UGT2A2: variants seen among roughly 807,000 people sequenced by gnomAD.
UGT2A2 encodes UDP-glucuronosyltransferase 2A2.
UGT2A2 carries 60 observed loss-of-function variants against 50.7 expected under a neutral mutation model. The ratio of observed to expected loss-of-function variants is 1.18; its 90% confidence interval spans 0.96 to 1.47. The LOEUF (loss-of-function observed/expected upper bound fraction) is 1.47, where lower values mean the gene tolerates loss of function less well. UGT2A2 is among the 40% of genes most tolerant of loss of function. UGT2A2 has a pLI of 0.00. For missense variants in UGT2A2, 762 were observed against 634.0 expected (o/e 1.20, Z -2.17); for synonymous variants, 242 against 214.6 (o/e 1.13, Z -1.11).
At chr4:69,631,957 T>G (rs1049888964) in intron 1 of UGT2A2, among the ~76,000 whole-genome samples, 3 of 152,186 alleles carry the variant, frequency 2.0e-5, no homozygotes, top group Non-Finnish European at 4.4e-5. Flanking sequence ...AATAATATCA[T>G]TAAAATGACA....
rs777620641 is a variant in UGT2A2 at position 69,594,626 on chromosome 4, T to C, written c.1182A>G (p.Gly394=). Residue 394 remains glycine, a synonymous_variant, in exon 5 of 6, where the codon GGA becomes GGG. Transcript: ENST00000604629. ...TNGIYEAIYH[G]VPMVGVPMFA... ...ACATGGGAACTCCCACCATAGGGAC[T>C]CCGTGGTAAATAGCTTCGTAGATCC... 6.2e-7 allele frequency: 1 copy of C among 1,614,124 alleles called. No homozygotes were observed. The highest frequency in any genetic ancestry group is 2.2e-5 in the East Asian group (1 of 44,870).
At chr4:69,590,963 A>AG (rs1718564050) in intron 5 of UGT2A2, among the ~76,000 whole-genome samples, 1 of 152,200 alleles carries the variant, frequency 6.6e-6, no homozygotes, top group Non-Finnish European at 1.5e-5. Flanking sequence ...AACAGAATGG[A>AG]GTACAAACAC....
chr4:69,600,482 G>A (rs1429322747), intron 1 of UGT2A2, among the ~76,000 whole-genome samples: 2 of 152,174 alleles, frequency 1.3e-5, no homozygotes, highest in Non-Finnish European at 2.9e-5. Context: ...GAATGAGTAG[G>A]AAGTGTGCTA....
At chr4:69,629,962 AT>A (rs1721295075) in intron 1 of UGT2A2, among the ~76,000 whole-genome samples, 1 of 152,134 alleles carries the variant, frequency 6.6e-6, no homozygotes, top group African/African-American at 2.4e-5. Context: ...TTTGTAAAAT[AT>A]TTTTTCCTTA....
chr4:69,599,051 C>A (rs931163749), intron 2 of UGT2A2, among the ~76,000 whole-genome samples, 195 bp downstream of exon 2: 1 of 152,086 alleles, frequency 6.6e-6, no homozygotes, highest in Non-Finnish European at 1.5e-5. Context: ...TTTTATTCTT[C>A]AGTTTAAATT....
rs183309709 is a variant in UGT2A2, at chr4:69,599,523, T to C, written c.743-129A>G. 4.9e-5 allele frequency: 65 copies of C among 1,317,126 alleles called. No homozygotes were observed. In the East Asian group the frequency reaches 1.4e-3, roughly 28 times the overall value. The allele number at this position is 1,317,126 out of a possible 1,614,324, so 81.6% of individuals were successfully genotyped here. The stretch of plus-strand genomic sequence containing the variant: ...TGAATTAGGTCTTCTAGAATACTTA[T>C]CATGTTTATATATTAAGAAGAAGGA... On this transcript the variant is annotated intron_variant, in intron 1 of 5. Transcript: ENST00000604629.
At chr4:69,607,364 A>G (rs1719699536) in intron 1 of UGT2A2, among the ~76,000 whole-genome samples, 1 of 151,546 alleles carries the variant, frequency 6.6e-6, no homozygotes, top group Non-Finnish European at 1.5e-5. Flanking sequence ...CTGGCTAGCC[A>G]TATGTAGAAA....
At chr4:69,596,839 G>C (rs956691144) in intron 2 of UGT2A2, among the ~76,000 whole-genome samples, 1 of 152,136 alleles carries the variant, frequency 6.6e-6, no homozygotes, top group Non-Finnish European at 1.5e-5. Context: ...GTCTCCTTAA[G>C]AGGAAACACG....
chr4:69,612,902 C>A (rs1720149985), intron 1 of UGT2A2, among the ~76,000 whole-genome samples: 1 of 82,006 alleles, frequency 1.2e-5, no homozygotes, highest in Non-Finnish European at 2.5e-5. Flanking sequence ...TAAAGAACCT[C>A]TGCAGAAAAA....
chr4:69,594,665 A>G lies in UGT2A2; in HGVS notation c.1143T>C (p.His381=), dbSNP rs765122717. The G allele has an allele frequency of 3.7e-6, 6 of 1,613,926 alleles. No individual in the cohort carries two copies. In the Admixed American group the frequency reaches 1.0e-4, roughly 27 times the overall value. The change falls in exon 5 of 6, where the codon CAT becomes CAC. Residue 381 remains histidine, a synonymous_variant. Transcript: ENST00000604629. ...CTTCGTAGATCCCATTAGTTCCACC[A>G]TGAGTGATAAAAGCTTTGGTTTTGG... is the stretch of plus-strand genomic sequence containing the variant. ...GHPKTKAFIT[H]GGTNGIYEAI...
At chr4:69,594,105 G>C (rs1430139603) in intron 5 of UGT2A2, among the ~76,000 whole-genome samples, 1 of 151,686 alleles carries the variant, frequency 6.6e-6, no homozygotes, top group Non-Finnish European at 1.5e-5. Flanking sequence ...CTCCTGAGTA[G>C]CTGGGACTAC....
chr4:69,609,066 T>C (rs1398298778), intron 1 of UGT2A2, among the ~76,000 whole-genome samples: 1 of 151,996 alleles, frequency 6.6e-6, no homozygotes, highest in African/African-American at 2.4e-5. Flanking sequence ...CATTATCTGA[T>C]ATTAAAAGAT....
At chr4:69,636,949 C>A (rs556608571) in intron 1 of UGT2A2, among the ~76,000 whole-genome samples, 4 of 152,054 alleles carry the variant, frequency 2.6e-5, no homozygotes, top group Admixed American at 1.3e-4. Context: ...TTTTCAGGAC[C>A]CTTCACCTTG....
intron 1 of UGT2A2, among the ~76,000 whole-genome samples, chr4:69,617,577 CTG>C (rs1263682425): frequency 6.6e-6 from 1 of 151,872 alleles, no homozygotes; most frequent in East Asian, 1.9e-4. Context: ...GGAAGAAAGA[CTG>C]TTTCAAATTA....
At chr4:69,607,607 G>A (rs1470105310) in intron 1 of UGT2A2, among the ~76,000 whole-genome samples, 1 of 152,126 alleles carries the variant, frequency 6.6e-6, no homozygotes, top group East Asian at 1.9e-4. Context: ...CACAGGAAAA[G>A]AAACTACCAT....
rs267600226 is a variant in UGT2A2, at chr4:69,638,902, A to T, written c.739T>A (p.Leu247Ile). Residue 247 changes from leucine (L) to isoleucine (I), a missense_variant, in exon 1 of 6, where the codon TTA becomes ATA. Transcript: ENST00000604629. ...AAAGAGAAAATTTTAGACTTACCTA[A>T]AATTTTGCTATAGTATGAATTCCAT... Reference protein sequence around the residue: ...GEWNSYYSKILGRPTTLCETM... With the variant: ...GEWNSYYSKIIGRPTTLCETM... 5 of 1,575,670 alleles carry T rather than the reference A, an allele frequency of 3.2e-6. No homozygotes were observed. Among genetic ancestry groups the T allele is most frequent in the Non-Finnish European group, 4.3e-6 (5 of 1,161,576 alleles).
At chr4:69,615,389 A>G (rs1577971637) in intron 1 of UGT2A2, among the ~76,000 whole-genome samples, 1 of 151,992 alleles carries the variant, frequency 6.6e-6, no homozygotes, top group Non-Finnish European at 1.5e-5. Context: ...ACCTCAACCG[A>G]AAAAGCTTCT....
rs187183893 is a variant in UGT2A2, at chr4:69,619,545, A to G, written c.742+19354T>C. ...TAAAGAAGACTCTAAAAATAATGAT[A>G]TACCCAGAAATAAATCTAACATAAA... is the stretch of plus-strand genomic sequence containing the variant. On this transcript the variant is annotated intron_variant, in intron 1 of 5. Coordinates refer to ENST00000604629, the MANE Select transcript of UGT2A2 (RefSeq NM_001105677.2). 6.6e-5 allele frequency among the ~76,000 whole-genome samples: 10 copies of G among 152,144 alleles called. 1 individual carries two copies. The highest frequency in any genetic ancestry group is 2.2e-4 in the African/African-American group (9 of 41,546).
intron 1 of UGT2A2, among the ~76,000 whole-genome samples, chr4:69,608,979 T>G (rs1719856385): frequency 6.6e-6 from 1 of 152,070 alleles, no homozygotes; most frequent in Non-Finnish European, 1.5e-5. Context: ...AGAAAAGGAT[T>G]TCCTCAGGAA....
Sources: allele counts gnomAD v4.1 joint callset (sites outside exome capture counted in the v4.1 genomes callset), GRCh38; gene constraint gnomAD v4.1.1; transcripts MANE v1.5; gene names NCBI Gene and HGNC (gene_info 2026-07-23, HGNC 2026-07-21).